The following DZIP3 variants were observed in gnomAD, a reference collection of about 807,000 sequenced individuals.
DZIP3 encodes the protein E3 ubiquitin-protein ligase DZIP3.
DZIP3 carries 118 observed loss-of-function variants against 162.0 expected under a neutral mutation model. The observed-to-expected ratio is 0.73, with a 90% CI of 0.63 to 0.85. DZIP3 has a LOEUF of 0.85. Ranked by LOEUF, DZIP3 falls within the 40% of genes least tolerant of loss-of-function variation. The pLI, the probability that DZIP3 is intolerant of heterozygous loss-of-function variation, is 0.00. For missense variants in DZIP3, 1,331 were observed against 1,407.0 expected, an observed-to-expected ratio of 0.95 and a Z score of 0.86; for synonymous variants, 438 against 458.6, an observed-to-expected ratio of 0.96 and a Z score of 0.57.
At chr3:108,630,186 G>A (rs549713277) in intron 8 of DZIP3, among the ~76,000 whole-genome samples, 3 of 152,076 alleles carry the variant, frequency 2.0e-5, no homozygotes, top group South Asian at 4.1e-4. Flanking sequence ...TAACCCATCT[G>A]ATAAACCATT....
At chr3:108,642,317 C>T (rs1942433568) in intron 12 of DZIP3, 121 bp from the exon 13 acceptor site, 5 of 1,114,092 alleles carry the variant, frequency 4.5e-6, no homozygotes, top group African/African-American at 1.6e-5. Context: ...ATTTTTTCTC[C>T]TTCTTGAATT....
At chr3:108,596,424 G>A (rs1939717516) in intron 1 of DZIP3, among the ~76,000 whole-genome samples, 1 of 152,174 alleles carries the variant, frequency 6.6e-6, no homozygotes, top group Admixed American at 6.5e-5. Flanking sequence ...GACCAAGTAT[G>A]GATAGAAAAG....
At chr3:108,642,552 A>G (rs1942448347) in intron 13 of DZIP3, 38 bp downstream of exon 13, 1 of 1,411,838 alleles carries the variant, frequency 7.1e-7, no homozygotes, top group Non-Finnish European at 9.4e-7. Flanking sequence ...GTTGAAAAGT[A>G]TGTTAAAATT....
chr3:108,636,575 G>T lies in DZIP3; in HGVS notation c.919-41G>T, dbSNP rs753080878. 5 of 1,136,600 alleles carry T rather than the reference G, an allele frequency of 4.4e-6. No homozygotes were observed. In the African/African-American group the frequency reaches 1.7e-4, roughly 39 times the overall value. 70.4% of individuals were successfully genotyped at this position (1,136,600 alleles called of 1,614,324 possible). ...AATATAATCAGATTTGCACATCAGT[G>T]ATTTTTTTCTATTTTTATTTTTTTC... On this transcript the variant is annotated intron_variant, in intron 10 of 32. Coordinates refer to ENST00000361582, the MANE Select transcript of DZIP3 (RefSeq NM_014648.4).
In DZIP3 at chr3:108,637,657, A is replaced by AAGGTAGTATTT. The variant is rs1413347599; in HGVS notation, c.1064+114_1064+115insGTATTTAGGTA. 1.6e-5 allele frequency: 12 copies of AAGGTAGTATTT among 729,072 alleles called. No individual in the cohort carries two copies. In the African/African-American group the frequency reaches 2.0e-4, roughly 12 times the overall value. The allele number at this position is 729,072 out of a possible 1,614,324, so 45.2% of individuals were successfully genotyped here. A position where few individuals can be genotyped will look rare whatever the true frequency, so the allele number is the denominator to read the frequency against. On this transcript the variant is annotated intron_variant, in intron 12 of 32. Coordinates refer to ENST00000361582, the MANE Select transcript of DZIP3 (RefSeq NM_014648.4). ...ACCTAATAGAGCTGCATTAAATTTTAAGGTATGTGAAAAAATCATATTTAA... is the reference window on the plus strand; with the variant it reads ...ACCTAATAGAGCTGCATTAAATTTTAAGGTAGTATTTAGGTATGTGAAAAAATCATATTTAA...
At chr3:108,683,639 A>G (rs557589594) in intron 26 of DZIP3, among the ~76,000 whole-genome samples, 1 of 152,304 alleles carries the variant, frequency 6.6e-6, no homozygotes, top group Non-Finnish European at 1.5e-5. Flanking sequence ...ACCCACAAGC[A>G]TATCTGCAAA....
chr3:108,600,067 A>G (rs1939921164), intron 1 of DZIP3, among the ~76,000 whole-genome samples: 1 of 152,204 alleles, frequency 6.6e-6, no homozygotes, highest in South Asian at 2.1e-4. Flanking sequence ...ATGTCCTGCC[A>G]TGTTCTTTGA....
chr3:108,646,796 A>G, intron 15 of DZIP3, 147 bp downstream of exon 15: 3 of 566,968 alleles, frequency 5.3e-6, no homozygotes, highest in Non-Finnish European at 9.1e-6. Flanking sequence ...TAATCCCTGT[A>G]CTTTGGGAGG....
At position 108,661,639 on chromosome 3, in the gene DZIP3, T is replaced by TAAA. The variant is rs906116661; in HGVS notation, c.2200-231_2200-229dup. Among the ~76,000 whole-genome samples the TAAA allele has an allele frequency of 3.9e-3, 581 of 150,820 alleles. 6 individuals are homozygous for TAAA. Among genetic ancestry groups the TAAA allele is most frequent in the African/African-American group, 0.014 (567 of 41,092 alleles). On this transcript the variant is annotated intron_variant, in intron 19 of 32. Transcript: ENST00000361582. ...ACCCTAAAACTTAAAGTATAATAATTAAAAAAAAAGAAATGGTAAGCATGC... is the reference window on the plus strand; with the variant it reads ...ACCCTAAAACTTAAAGTATAATAATTAAAAAAAAAAAAGAAATGGTAAGCATGC...
intron 19 of DZIP3, among the ~76,000 whole-genome samples, chr3:108,659,642 A>G (rs1209253974): frequency 5.9e-5 from 9 of 152,124 alleles, no homozygotes; most frequent in African/African-American, 1.9e-4. Flanking sequence ...GGCCAGGGCA[A>G]TCAGGCAGGA....
intron 1 of DZIP3, among the ~76,000 whole-genome samples, chr3:108,598,042 C>G (rs866587607): frequency 6.6e-6 from 1 of 152,142 alleles, no homozygotes; most frequent in Non-Finnish European, 1.5e-5. Context: ...TTAGCAAAAA[C>G]TAGTGTGACT....
At chr3:108,664,713 T>C (rs1168101155) in intron 21 of DZIP3, among the ~76,000 whole-genome samples, 1 of 152,240 alleles carries the variant, frequency 6.6e-6, no homozygotes, top group East Asian at 1.9e-4. Flanking sequence ...GCCTCCACCC[T>C]GCAGCAACAA....
chr3:108,592,206 GGA>G (rs2107408353), intron 1 of DZIP3, among the ~76,000 whole-genome samples: 1 of 152,174 alleles, frequency 6.6e-6, no homozygotes, highest in Non-Finnish European at 1.5e-5. Context: ...ACCTTCTAAA[GGA>G]TAACCAGGAT....
intron 10 of DZIP3, chr3:108,635,431 G>A: frequency 4.2e-6 from 1 of 240,514 alleles, no homozygotes; most frequent in East Asian, 1.3e-4. Context: ...AATATATATG[G>A]AACTTTTAAT....
At chr3:108,636,847 CT>C in intron 11 of DZIP3, 139 bp downstream of exon 11, 1 of 583,446 alleles carries the variant, frequency 1.7e-6, no homozygotes, top group South Asian at 2.3e-5. Context: ...GCTCTTGAAC[CT>C]TTTTATTACC....
chr3:108,685,547 T>C (rs965190028), intron 27 of DZIP3, among the ~76,000 whole-genome samples: 23 of 152,188 alleles, frequency 1.5e-4, no homozygotes, highest in Non-Finnish European at 1.8e-4. Context: ...ACTCTGTTAT[T>C]ATATTATTTA....
chr3:108,631,056 C>CA (rs1385172484), intron 8 of DZIP3, among the ~76,000 whole-genome samples: 1 of 28,996 alleles, frequency 3.4e-5, no homozygotes, highest in African/African-American at 1.5e-4. Context: ...CACACACACA[C>CA]TCTCTCTCTC....
intron 1 of DZIP3, among the ~76,000 whole-genome samples, chr3:108,595,552 A>G (rs917732223): frequency 2.0e-5 from 3 of 152,190 alleles, no homozygotes; most frequent in Admixed American, 2.0e-4. Flanking sequence ...TAGATTTTGC[A>G]TAGATATTTT....
In DZIP3 at chr3:108,615,707, C is replaced by T. The variant is rs559937976; in HGVS notation, c.259-834C>T. Among the ~76,000 whole-genome samples, 239 of 152,268 alleles carry T rather than the reference C, an allele frequency of 1.6e-3. 1 individual carries two copies. The highest frequency in any genetic ancestry group is 0.012 in the South Asian group (59 of 4,828). On this transcript the variant is annotated intron_variant, in intron 4 of 32. Coordinates refer to ENST00000361582, the MANE Select transcript of DZIP3 (RefSeq NM_014648.4). ...GAATGGACACAAAGACATAGTCCTACCTTTCATTTCAACCATGTAAATAAA... is the reference window on the plus strand; with the variant it reads ...GAATGGACACAAAGACATAGTCCTATCTTTCATTTCAACCATGTAAATAAA...
Sources: allele counts gnomAD v4.1 joint callset (sites outside exome capture counted in the v4.1 genomes callset), GRCh38; gene constraint gnomAD v4.1.1; transcripts MANE v1.5; gene names NCBI Gene and HGNC (gene_info 2026-07-23, HGNC 2026-07-21).